The following ULK4 variants were observed in gnomAD, a reference collection of about 807,000 sequenced individuals.
ULK4 encodes the protein unc-51 like kinase 4.
In ULK4, 133 loss-of-function variants were observed where a neutral mutation model predicts 160.6. That is an observed-to-expected ratio of 0.83 (90% confidence interval 0.72 to 0.96). The LOEUF is 0.96. Ranked by LOEUF, ULK4 falls within the 40% of genes least tolerant of loss-of-function variation. The probability of loss-of-function intolerance (pLI) is 0.00; values close to 1 mark genes in which losing one functional copy is unlikely to be tolerated. For missense variants in ULK4, 1,580 were observed against 1,499.5 expected (o/e 1.05, Z -0.89); for synonymous variants, 534 against 539.8 (o/e 0.99, Z 0.15).
intron 19 of ULK4, among the ~76,000 whole-genome samples, chr3:41,815,668 G>C (rs2040941728): frequency 6.6e-6 from 1 of 152,138 alleles, no homozygotes; most frequent in Non-Finnish European, 1.5e-5. Context: ...CAGGGAGATG[G>C]GGGAAGTTAT....
chr3:41,899,866 T>C (rs1221955887), intron 13 of ULK4, among the ~76,000 whole-genome samples: 1 of 152,186 alleles, frequency 6.6e-6, no homozygotes, highest in African/African-American at 2.4e-5. Flanking sequence ...AAATAATCTA[T>C]ATGAAATGCT....
intron 2 of ULK4, 61 bp from the exon 3 acceptor site, chr3:41,938,258 G>T (rs1478867924): frequency 7.8e-7 from 1 of 1,284,710 alleles, no homozygotes; most frequent in Non-Finnish European, 1.1e-6. Context: ...CATCTACTGA[G>T]AAAAACCTAA....
At chr3:41,268,813 C>CAAA (rs1176923529) in intron 35 of ULK4, among the ~76,000 whole-genome samples, 17 of 29,036 alleles carry the variant, frequency 5.9e-4, no homozygotes, top group East Asian at 1.6e-3. Flanking sequence ...CACACACACA[C>CAAA]AAAAAAAAAA....
chr3:41,316,922 C>T (rs1307877976), intron 35 of ULK4, among the ~76,000 whole-genome samples: 2 of 152,074 alleles, frequency 1.3e-5, no homozygotes, highest in Non-Finnish European at 1.5e-5. Flanking sequence ...AAATATTTCC[C>T]TCTAGACTTT....
intron 8 of ULK4, among the ~76,000 whole-genome samples, chr3:41,914,174 T>C (rs1326412901): frequency 2.0e-5 from 3 of 152,186 alleles, no homozygotes; most frequent in African/African-American, 7.2e-5. Flanking sequence ...AGTGGGAAAA[T>C]TAAGCCTGAC....
At chr3:41,707,165 G>GAATCTTACTGA (rs1338592324) in intron 25 of ULK4, among the ~76,000 whole-genome samples, 1 of 151,934 alleles carries the variant, frequency 6.6e-6, no homozygotes, top group African/African-American at 2.4e-5. Flanking sequence ...GTGTATTTTT[G>GAATCTTACTGA]AATCTTACTG....
At chr3:41,560,354 T>C (rs1001481359) in intron 32 of ULK4, among the ~76,000 whole-genome samples, 4 of 152,238 alleles carry the variant, frequency 2.6e-5, no homozygotes, top group African/African-American at 9.6e-5. Flanking sequence ...GGGCTCTTTT[T>C]TGGTTCCATA....
chr3:41,920,257 C>T (rs1699137886), intron 5 of ULK4, among the ~76,000 whole-genome samples: 4 of 152,182 alleles, frequency 2.6e-5, no homozygotes. Flanking sequence ...TGCTTCCTCA[C>T]TTGGAGGCAG....
intron 35 of ULK4, among the ~76,000 whole-genome samples, chr3:41,289,728 G>C (rs748940389): frequency 1.1e-4 from 17 of 152,088 alleles, no homozygotes; most frequent in Non-Finnish European, 2.2e-4. Flanking sequence ...AGCACTAGAG[G>C]GGAGAAGCCC....
At chr3:41,378,793 A>G (rs1016081839) in intron 35 of ULK4, among the ~76,000 whole-genome samples, 3 of 151,770 alleles carry the variant, frequency 2.0e-5, no homozygotes, top group East Asian at 1.9e-4. Flanking sequence ...ATAAAATAAA[A>G]TAAATAAAAT....
chr3:41,750,855 T>C (rs1350775312), intron 22 of ULK4, among the ~76,000 whole-genome samples: 2 of 150,880 alleles, frequency 1.3e-5, no homozygotes, highest in Non-Finnish European at 2.9e-5. Flanking sequence ...CTGGATGTGG[T>C]GGCGGGCGCC....
chr3:41,554,569 C>T (rs977389153), intron 32 of ULK4, among the ~76,000 whole-genome samples: 17 of 151,940 alleles, frequency 1.1e-4, no homozygotes, highest in Admixed American at 2.6e-4. Flanking sequence ...TGTTGGTAGG[C>T]GGGAGTATAC....
chr3:41,927,774 G>C (rs1277033924), intron 5 of ULK4, among the ~76,000 whole-genome samples: 1 of 151,694 alleles, frequency 6.6e-6, no homozygotes, highest in Non-Finnish European at 1.5e-5. Flanking sequence ...ATTACATAAT[G>C]GTAAAGGGAT....
intron 19 of ULK4, among the ~76,000 whole-genome samples, chr3:41,812,428 A>C (rs1474574008): frequency 6.6e-6 from 1 of 152,216 alleles, no homozygotes; most frequent in African/African-American, 2.4e-5. Flanking sequence ...AACACACACA[A>C]AAATAGGAAG....
At chr3:41,491,179 T>G (rs1389385821) in intron 32 of ULK4, among the ~76,000 whole-genome samples, 1 of 152,198 alleles carries the variant, frequency 6.6e-6, no homozygotes, top group African/African-American at 2.4e-5. Flanking sequence ...CCTACCATAT[T>G]TTTGAATAGG....
intron 32 of ULK4, among the ~76,000 whole-genome samples, chr3:41,483,655 C>T (rs1215271659): frequency 1.3e-5 from 2 of 152,140 alleles, no homozygotes; most frequent in Non-Finnish European, 2.9e-5. Flanking sequence ...ATAATGCTCC[C>T]CCACCCCACC....
chr3:41,681,562 C>A lies in ULK4; in HGVS notation c.2924G>T (p.Ser975Ile). Residue 975 changes from serine (S) to isoleucine (I), a missense_variant, in exon 29 of 37, where the codon AGT (serine) becomes ATT (isoleucine). Physicochemically the swap from Ser to Ile is moderately radical, Grantham distance 142. Transcript: ENST00000301831. ...CAGAAGATTGCTGTCAGAATCAACA[C>A]TGGCCTTCTCCTTGCCATCCCCAAA... ...QEFGDGKEKA[S>I]VDSDSNLLAL... The A allele has an allele frequency of 1.2e-6, 2 of 1,614,022 alleles. No homozygotes were observed. The highest frequency in any genetic ancestry group is 1.7e-6 in the Non-Finnish European group (2 of 1,179,982).
intron 35 of ULK4, among the ~76,000 whole-genome samples, chr3:41,318,276 A>T (rs190343744): frequency 6.6e-6 from 1 of 152,290 alleles, no homozygotes; most frequent in Admixed American, 6.5e-5. Context: ...AGTCTCAAAA[A>T]AATTCAATTT....
intron 21 of ULK4, among the ~76,000 whole-genome samples, chr3:41,764,084 C>A (rs1240779413): frequency 6.6e-6 from 1 of 152,120 alleles, no homozygotes; most frequent in Non-Finnish European, 1.5e-5. Flanking sequence ...CTATTTAAAT[C>A]TCCCTGACAA....
Sources: allele counts gnomAD v4.1 joint callset (sites outside exome capture counted in the v4.1 genomes callset), GRCh38; gene constraint gnomAD v4.1.1; transcripts MANE v1.5; gene names NCBI Gene and HGNC (gene_info 2026-07-23, HGNC 2026-07-21).